The following RHBDL2 variants were observed in gnomAD, a reference collection of about 807,000 sequenced individuals.
RHBDL2 encodes the protein rhomboid like 2, also known as rhomboid-related protein 2.
RHBDL2 carries 26 observed loss-of-function variants against 31.7 expected under a neutral mutation model. That is an observed-to-expected ratio of 0.82 (90% CI 0.60 to 1.14). The LOEUF (loss-of-function observed/expected upper bound fraction) is 1.14. Ranked by LOEUF, RHBDL2 falls within the 50% of genes most tolerant of loss-of-function variation. RHBDL2 has a pLI of 0.00. For missense variants in RHBDL2, 336 were observed against 364.4 expected, an observed-to-expected ratio of 0.92 and a Z score of 0.63; for synonymous variants, 123 against 127.2, an observed-to-expected ratio of 0.97 and a Z score of 0.22.
At chr1:38,904,819 C>G (rs1036350840) in intron 4 of RHBDL2, among the ~76,000 whole-genome samples, 2 of 144,670 alleles carry the variant, frequency 1.4e-5, no homozygotes, top group Non-Finnish European at 3.0e-5. Context: ...ATCACGAGGT[C>G]AGGATATCGA....
At chr1:38,935,863 C>T (rs1028519882) in intron 1 of RHBDL2, among the ~76,000 whole-genome samples, 1 of 152,104 alleles carries the variant, frequency 6.6e-6, no homozygotes, top group African/African-American at 2.4e-5. Context: ...ATCTGCCCAC[C>T]TTGGCCCCCT....
chr1:38,889,839 T>C (rs1054982289), intron 6 of RHBDL2, among the ~76,000 whole-genome samples: 1 of 152,156 alleles, frequency 6.6e-6, no homozygotes, highest in African/African-American at 2.4e-5. Flanking sequence ...CACTGTGTCC[T>C]AGGAGATGAA....
rs1557615030 is a variant in RHBDL2 at position 38,911,631 on chromosome 1, TGTGTGTGTGTGTGTGCGC to T, written c.396-215_396-198del. Among the ~76,000 whole-genome samples the T allele has an allele frequency of 6.2e-5, 7 of 113,014 alleles. No homozygotes were observed. In the South Asian group the frequency reaches 1.8e-3, roughly 28 times the overall value. The allele number at this position is 113,014 out of a possible 152,430, so 74.1% of individuals were successfully genotyped here. On this transcript the variant is annotated intron_variant, in intron 3 of 7. Transcript: ENST00000372990. ...GTGTGTGTGTGTGTGTGTGTGTGTG[TGTGTGTGTGTGTGTGCGC>T]GCGCGCGCGCGTGTGTGACTTGCTG...
At chr1:38,891,963 T>C (rs1422630752) in intron 6 of RHBDL2, among the ~76,000 whole-genome samples, 3 of 152,178 alleles carry the variant, frequency 2.0e-5, no homozygotes, top group Non-Finnish European at 4.4e-5. Context: ...CAACACCAGT[T>C]ACCACCCCCA....
Position 38,895,950 on chromosome 1 carries a change from C to G in RHBDL2, c.609+19G>C. On this transcript the variant is annotated intron_variant, in intron 5 of 7. Coordinates refer to ENST00000372990, the MANE Select transcript of RHBDL2 (RefSeq NM_017821.5). The stretch of plus-strand genomic sequence containing the variant: ...TGTTTTTTTAAGAGACTCGTGGACT[C>G]CATCCCCATGGTTCTTACCACCAGA... 2 of 1,519,964 alleles carry G rather than the reference C, an allele frequency of 1.3e-6. No individual in the cohort carries two copies. Among genetic ancestry groups the G allele is most frequent in the Non-Finnish European group, 9.1e-7 (1 of 1,097,930 alleles). 94.2% of individuals were successfully genotyped at this position (1,519,964 alleles called of 1,614,324 possible).
intron 3 of RHBDL2, chr1:38,913,544 C>T (rs1261093172): frequency 2.0e-5 from 3 of 146,578 alleles, no homozygotes; most frequent in Non-Finnish European, 3.0e-5. Context: ...TTGTAGAGCA[C>T]TCTCTATGTT....
At chr1:38,912,184 T>G (rs986257947) in intron 3 of RHBDL2, among the ~76,000 whole-genome samples, 1 of 152,066 alleles carries the variant, frequency 6.6e-6, no homozygotes, top group Non-Finnish European at 1.5e-5. Flanking sequence ...TTGGTCAGGC[T>G]GGCCTCAAAC....
At chr1:38,939,729 A>G (rs978809616) in intron 1 of RHBDL2, among the ~76,000 whole-genome samples, 5 of 152,014 alleles carry the variant, frequency 3.3e-5, no homozygotes, top group Admixed American at 6.6e-5. Context: ...TTTTGTAGAG[A>G]AGAGGTCTCA....
At chr1:38,939,874 G>A (rs771906892) in intron 1 of RHBDL2, among the ~76,000 whole-genome samples, 13 of 151,754 alleles carry the variant, frequency 8.6e-5, no homozygotes, top group Admixed American at 2.0e-4. Flanking sequence ...ACAGGGTCTC[G>A]CTTGTTGCCC....
chr1:38,912,646 C>G (rs984886832), intron 3 of RHBDL2, among the ~76,000 whole-genome samples: 1 of 150,270 alleles, frequency 6.7e-6, no homozygotes, highest in Non-Finnish European at 1.5e-5. Flanking sequence ...GTCTCAAACT[C>G]CTGGGTTCAA....
intron 1 of RHBDL2, among the ~76,000 whole-genome samples, chr1:38,932,112 C>A (rs770951943): frequency 6.6e-6 from 1 of 152,122 alleles, no homozygotes; most frequent in Non-Finnish European, 1.5e-5. Flanking sequence ...CCTAACACTA[C>A]CTGGAGGCCA....
In RHBDL2 at chr1:38,915,698, T is replaced by C; in HGVS notation, c.259A>G (p.Ile87Val). 1 of 1,614,034 alleles carries C rather than the reference T, an allele frequency of 6.2e-7. No homozygotes were observed. The highest frequency in any genetic ancestry group is 8.5e-7 in the Non-Finnish European group (1 of 1,180,008). The change falls in exon 3 of 8, where the codon ATT becomes GTT. Residue 87 changes from isoleucine (I) to valine (V), a missense_variant. Transcript: ENST00000372990. ...SISLAELAVF[I>V]YYAVWKPQKQ... Reference sequence around the variant, plus strand: ...TGAGGCTTCCACACAGCATAGTAAATAAACACTGCCAGCTGATGGAGGGAG... The same window carrying C: ...TGAGGCTTCCACACAGCATAGTAAACAAACACTGCCAGCTGATGGAGGGAG...
chr1:38,903,531 A>T (rs1233185296), intron 4 of RHBDL2, among the ~76,000 whole-genome samples: 1 of 152,224 alleles, frequency 6.6e-6, no homozygotes, highest in East Asian at 1.9e-4. Flanking sequence ...TCTGCAAGAC[A>T]TAAACACTGA....
chr1:38,904,702 T>TAA (rs1442615420), intron 4 of RHBDL2, among the ~76,000 whole-genome samples: 1 of 148,580 alleles, frequency 6.7e-6, no homozygotes, highest in Admixed American at 6.7e-5. Flanking sequence ...TATATATATA[T>TAA]AATATGTGTA....
intron 1 of RHBDL2, among the ~76,000 whole-genome samples, chr1:38,937,856 G>A (rs1643526302): frequency 6.6e-6 from 1 of 152,116 alleles, no homozygotes; most frequent in Non-Finnish European, 1.5e-5. Flanking sequence ...CAACTCAAGA[G>A]ATCCTTCATG....
At chr1:38,937,709 C>A (rs201374286) in intron 1 of RHBDL2, among the ~76,000 whole-genome samples, 1 of 151,068 alleles carries the variant, frequency 6.6e-6, no homozygotes, top group Non-Finnish European at 1.5e-5. Flanking sequence ...CAAGGTATTG[C>A]AAGTAGTATC....
chr1:38,897,046 G>A (rs1318188657), intron 4 of RHBDL2, among the ~76,000 whole-genome samples: 1 of 151,972 alleles, frequency 6.6e-6, no homozygotes, highest in African/African-American at 2.4e-5. Flanking sequence ...GCAGAAGGGT[G>A]GAGTCCTTGC....
chr1:38,894,608 A>T (rs1448477652), intron 5 of RHBDL2, among the ~76,000 whole-genome samples: 1 of 151,962 alleles, frequency 6.6e-6, no homozygotes, highest in African/African-American at 2.4e-5. Flanking sequence ...GGCATGAGCC[A>T]CCATGCCTGG....
intron 4 of RHBDL2, among the ~76,000 whole-genome samples, chr1:38,901,518 A>G (rs1642989361): frequency 6.6e-6 from 1 of 151,270 alleles, no homozygotes; most frequent in Admixed American, 6.6e-5. Context: ...GAGAAAGAAA[A>G]CAAAAGAAAG....
Sources: allele counts gnomAD v4.1 joint callset (sites outside exome capture counted in the v4.1 genomes callset), GRCh38; gene constraint gnomAD v4.1.1; transcripts MANE v1.5; gene names NCBI Gene and HGNC (gene_info 2026-07-23, HGNC 2026-07-21).